The following LMNTD1 variants were observed in gnomAD, a reference collection of about 807,000 sequenced individuals.
The protein encoded by LMNTD1 is lamin tail domain-containing protein 1.
In LMNTD1, 35 loss-of-function variants were observed where a neutral mutation model predicts 50.9. The observed-to-expected ratio is 0.69, with a 90% CI of 0.53 to 0.91. The LOEUF (loss-of-function observed/expected upper bound fraction) is 0.91, where lower values mean the gene tolerates loss of function less well. LMNTD1 is among the 40% of genes least tolerant of loss of function. LMNTD1 has a pLI of 0.00. For missense variants in LMNTD1, 470 were observed against 475.5 expected, an observed-to-expected ratio of 0.99 and a Z score of 0.11; for synonymous variants, 153 against 161.9, an observed-to-expected ratio of 0.94 and a Z score of 0.42.
intron 8 of LMNTD1, among the ~76,000 whole-genome samples, chr12:25,505,505 G>C (rs1939691715): frequency 6.6e-6 from 1 of 151,986 alleles, no homozygotes; most frequent in African/African-American, 2.4e-5. Context: ...GTTCTTACTT[G>C]TCTATTCTTT....
chr12:25,584,400 C>A (rs1313881939), intron 1 of LMNTD1, among the ~76,000 whole-genome samples: 2 of 152,290 alleles, frequency 1.3e-5, no homozygotes, highest in Admixed American at 1.3e-4. Context: ...TAAGCTATGG[C>A]ACATCAGCTC....
chr12:25,547,501 C>T (rs182266211), intron 3 of LMNTD1: 3 of 151,734 alleles, frequency 2.0e-5, no homozygotes, highest in Non-Finnish European at 3.0e-5. Flanking sequence ...ATGTGACTCT[C>T]GGTCCAAAAT....
chr12:25,533,898 T>C (rs890743727), intron 4 of LMNTD1, among the ~76,000 whole-genome samples: 2 of 152,232 alleles, frequency 1.3e-5, no homozygotes, highest in Admixed American at 1.3e-4. Context: ...TTCGTGTGTT[T>C]ATCATGATCT....
At chr12:25,491,840 C>A (rs1348011560) in intron 9 of LMNTD1, among the ~76,000 whole-genome samples, 1 of 152,128 alleles carries the variant, frequency 6.6e-6, no homozygotes, top group African/African-American at 2.4e-5. Flanking sequence ...ATTGTGGGGG[C>A]AGGTTACAAG....
intron 1 of LMNTD1, among the ~76,000 whole-genome samples, chr12:25,631,087 T>C (rs1228709576): frequency 1.3e-5 from 2 of 152,040 alleles, no homozygotes; most frequent in Non-Finnish European, 2.9e-5. Flanking sequence ...ATAATCCGCC[T>C]AGGAACATAA....
chr12:25,611,428 A>G (rs1041435225), intron 1 of LMNTD1, among the ~76,000 whole-genome samples: 3 of 152,186 alleles, frequency 2.0e-5, no homozygotes, highest in Non-Finnish European at 4.4e-5. Context: ...GCTGTGAGGA[A>G]TACAGTGATG....
intron 1 of LMNTD1, among the ~76,000 whole-genome samples, chr12:25,618,052 C>T (rs971149482): frequency 2.0e-5 from 3 of 152,168 alleles, no homozygotes; most frequent in Non-Finnish European, 4.4e-5. Context: ...CATCTGACCC[C>T]TGAGCCTGCT....
At chr12:25,644,313 C>CAA (rs59091210) in intron 1 of LMNTD1, among the ~76,000 whole-genome samples, 3,366 of 82,040 alleles carry the variant, frequency 0.041, 272 homozygotes, top group African/African-American at 0.14. Context: ...CCTTTCTCTA[C>CAA]AAAAAAAAAA....
At chr12:25,577,462 G>T (rs1218218278) in intron 1 of LMNTD1, among the ~76,000 whole-genome samples, 1 of 151,932 alleles carries the variant, frequency 6.6e-6, no homozygotes, top group Non-Finnish European at 1.5e-5. Flanking sequence ...TTGTAAATGG[G>T]AATTCACTCA....
chr12:25,494,341 T>C (rs1448869374), intron 9 of LMNTD1, among the ~76,000 whole-genome samples: 2 of 151,352 alleles, frequency 1.3e-5, no homozygotes, highest in African/African-American at 4.8e-5. Flanking sequence ...TCCCGATACA[T>C]ACATAACTTA....
upstream of LMNTD1, among the ~76,000 whole-genome samples, chr12:25,554,505 A>G (rs1027617003): frequency 6.6e-6 from 1 of 152,204 alleles, no homozygotes; most frequent in Non-Finnish European, 1.5e-5. Context: ...TATATATGCA[A>G]TGAAAACCAA....
intron 1 of LMNTD1, among the ~76,000 whole-genome samples, chr12:25,601,128 G>T (rs1367241839): frequency 6.6e-6 from 1 of 151,910 alleles, no homozygotes; most frequent in Non-Finnish European, 1.5e-5. Flanking sequence ...TAAAAGGAAT[G>T]AAATCCTGTC....
At chr12:25,614,173 G>A (rs769514143) in intron 1 of LMNTD1, among the ~76,000 whole-genome samples, 3 of 152,062 alleles carry the variant, frequency 2.0e-5, no homozygotes, top group Non-Finnish European at 4.4e-5. Flanking sequence ...TGGGGTAAGC[G>A]ATGTCCTCTT....
intron 1 of LMNTD1, among the ~76,000 whole-genome samples, chr12:25,610,611 A>G (rs1946218828): frequency 6.6e-6 from 1 of 152,196 alleles, no homozygotes; most frequent in African/African-American, 2.4e-5. Flanking sequence ...TGATTAGGAA[A>G]CTAGGATTGT....
chr12:25,594,725 A>T (rs941560250), intron 1 of LMNTD1, among the ~76,000 whole-genome samples: 2 of 151,416 alleles, frequency 1.3e-5, no homozygotes, highest in African/African-American at 4.8e-5. Flanking sequence ...ATGGCACCTC[A>T]CATCTCAATA....
chr12:25,541,632 A>T (rs1174903034), intron 4 of LMNTD1, among the ~76,000 whole-genome samples: 2 of 117,074 alleles, frequency 1.7e-5, no homozygotes, highest in Non-Finnish European at 3.7e-5. Flanking sequence ...AAGAAAACCT[A>T]GGCATTACCA....
chr12:25,597,771 CA>C (rs559499610), intron 1 of LMNTD1, among the ~76,000 whole-genome samples: 4 of 152,194 alleles, frequency 2.6e-5, no homozygotes, highest in South Asian at 2.1e-4. Flanking sequence ...TTAAAACTTT[CA>C]AAAAAATTGA....
At chr12:25,593,320 C>G (rs1360438930) in intron 1 of LMNTD1, among the ~76,000 whole-genome samples, 3 of 152,170 alleles carry the variant, frequency 2.0e-5, no homozygotes, top group Non-Finnish European at 4.4e-5. Context: ...CCTCCCCTGC[C>G]ACCTCCACCA....
chr12:25,532,136 C>A (rs1457660781), intron 4 of LMNTD1, among the ~76,000 whole-genome samples: 1 of 152,058 alleles, frequency 6.6e-6, no homozygotes, highest in Non-Finnish European at 1.5e-5. Flanking sequence ...GTTTGGTCAA[C>A]TCTTATCTTT....
Sources: gnomAD v4.1 joint callset for allele counts (sites outside exome capture counted in the v4.1 genomes callset) on GRCh38, gnomAD v4.1.1 for gene constraint, MANE v1.5 for transcripts, NCBI Gene and HGNC (gene_info 2026-07-23, HGNC 2026-07-21) for gene names.